Variants in KCNH2 observed in about 807,000 individuals in gnomAD.
KCNH2 encodes the protein potassium voltage-gated channel subfamily H member 2.
Under a neutral mutation model 95.9 loss-of-function variants are expected in KCNH2, and 35 were observed. The ratio of observed to expected loss-of-function variants is 0.37; its 90% confidence interval spans 0.28 to 0.48. KCNH2 has a LOEUF of 0.48. Ranked by LOEUF, KCNH2 falls within the 20% of genes least tolerant of loss-of-function variation. The pLI is 0.99. For missense variants in KCNH2, 1,274 were observed against 1,702.9 expected, an observed-to-expected ratio of 0.75 and a Z score of 4.43; for synonymous variants, 786 against 754.7, an observed-to-expected ratio of 1.04 and a Z score of -0.68.
intron 9 of KCNH2, 132 bp downstream of exon 9, chr7:150,950,036 G>A (rs901996408): frequency 1.2e-6 from 2 of 1,601,572 alleles, no homozygotes; most frequent in Admixed American, 1.7e-5. Flanking sequence ...GAGTTTAGGT[G>A]AATTAAAGGA....
In KCNH2 at chr7:150,946,608, T is replaced by C. The variant is rs1003219482; in HGVS notation, c.3330+269A>G. Among the ~76,000 whole-genome samples, 2 of 152,090 alleles carry C rather than the reference T, an allele frequency of 1.3e-5. No individual in the cohort carries two copies. The highest frequency in any genetic ancestry group is 4.8e-5 in the African/African-American group (2 of 41,414). On this transcript the variant is annotated intron_variant, in intron 14 of 14. Transcript: ENST00000262186. This position sits in a 1 kb window ranked among gnomAD's most constrained non-coding sequence, Gnocchi z 6.5. ...GCCTGGCGGTGGAGGCTGTGGACAC[T>C]AGGGGAGTGAAGCTGCGGGCCACTT...
intron 5 of KCNH2, chr7:150,955,838 T>G: frequency 6.6e-6 from 7 of 1,062,656 alleles, no homozygotes; most frequent in East Asian, 6.4e-5. Flanking sequence ...CCCCTCCTTC[T>G]ACCAGGTCCC....
In KCNH2 at chr7:150,946,190, T is replaced by C. The variant is rs1800881389; in HGVS notation, c.3331-676A>G. Among the ~76,000 whole-genome samples, 1 of 151,796 alleles carries C rather than the reference T, an allele frequency of 6.6e-6. No individual in the cohort carries two copies. Among genetic ancestry groups the C allele is most frequent in the Non-Finnish European group, 1.5e-5 (1 of 67,928 alleles). The stretch of plus-strand genomic sequence containing the variant: ...CTGGCAGCCAGAGGAGTCCCCACCA[T>C]GGACGCGGAGGTTGACACAGACACC... On this transcript the variant is annotated intron_variant, in intron 14 of 14. Transcript: ENST00000262186. The surrounding 1 kb of genome is among the most constrained non-coding windows in gnomAD (Gnocchi z 6.5).
chr7:150,959,558 G>A lies in KCNH2; in HGVS notation c.472+14C>T. The A allele has an allele frequency of 1.9e-6, 3 of 1,613,834 alleles. No homozygotes were observed. The highest frequency in any genetic ancestry group is 2.5e-6 in the Non-Finnish European group (3 of 1,179,790). The stretch of plus-strand genomic sequence containing the variant: ...CACGAACCCCTGAGCCTGCCCTAAA[G>A]CAAGTACACTTACCTGGGGCCAGCC... On this transcript the variant is annotated intron_variant, in intron 3 of 14. Transcript: ENST00000262186.
At position 150,946,815 on chromosome 7, in the gene KCNH2, T is replaced by G. The variant is rs1584841366; in HGVS notation, c.3330+62A>C. 6.8e-7 allele frequency: 1 copy of G among 1,477,762 alleles called. No individual in the cohort carries two copies. The highest frequency in any genetic ancestry group is 9.3e-7 in the Non-Finnish European group (1 of 1,076,968). 91.5% of individuals were successfully genotyped at this position (1,477,762 alleles called of 1,614,324 possible). On this transcript the variant is annotated intron_variant, in intron 14 of 14. Coordinates refer to ENST00000262186, the MANE Select transcript of KCNH2 (RefSeq NM_000238.4). This position sits in a 1 kb window ranked among gnomAD's most constrained non-coding sequence, Gnocchi z 6.5. The stretch of plus-strand genomic sequence containing the variant: ...CCAGCAGAAAGGCAGCAAAGCAGGT[T>G]TGGGCTGGAATCGGGGAACAAGCGG...
Position 150,945,165 on chromosome 7 carries a change from T to G in KCNH2, c.*200A>C. 1.6e-6 allele frequency: 1 copy of G among 630,630 alleles called. No homozygotes were observed. The highest frequency in any genetic ancestry group is 2.7e-6 in the Non-Finnish European group (1 of 369,438). 39.1% of individuals were successfully genotyped at this position (630,630 alleles called of 1,614,324 possible). On this transcript the variant is annotated 3_prime_UTR_variant, in exon 15 of 15. Coordinates refer to ENST00000262186, the MANE Select transcript of KCNH2 (RefSeq NM_000238.4). This position sits in a 1 kb window ranked among gnomAD's most constrained non-coding sequence, Gnocchi z 5.6. Reference sequence around the variant, plus strand: ...TGGGGGGACCACAGGCCCCACCTACTGCCGGCCCTGCCCCTGCCCCTCTCA... The same window carrying G: ...TGGGGGGACCACAGGCCCCACCTACGGCCGGCCCTGCCCCTGCCCCTCTCA...
At chr7:150,955,668 C>T (rs1801346214) in intron 5 of KCNH2, 3 of 1,403,642 alleles carry the variant, frequency 2.1e-6, no homozygotes, top group African/African-American at 1.5e-5. Context: ...GTGGCTGGGC[C>T]CCAGGGCTGG....
At chr7:150,951,202 G>C in intron 7 of KCNH2, 82 bp from the exon 8 acceptor site, 1 of 1,257,498 alleles carries the variant, frequency 8.0e-7, no homozygotes, top group Non-Finnish European at 1.1e-6. Context: ...CCCCGCACCA[G>C]GTCAGTGTCT....
In KCNH2 at chr7:150,959,570, A is replaced by G. The variant is rs1801494039; in HGVS notation, c.472+2T>C. Reference sequence around the variant, plus strand: ...AGCCTGCCCTAAAGCAAGTACACTTACCTGGGGCCAGCCAGCTGGTGGGGG... The same window carrying G: ...AGCCTGCCCTAAAGCAAGTACACTTGCCTGGGGCCAGCCAGCTGGTGGGGG... On this transcript the variant is annotated splice_donor_variant, in intron 3 of 14. Transcript: ENST00000262186. LOFTEE classifies it high-confidence loss of function. 1 of 1,613,924 alleles carries G rather than the reference A, an allele frequency of 6.2e-7. No homozygotes were observed.
chr7:150,957,316 T>G lies in KCNH2; in HGVS notation c.1103A>C (p.His368Pro). 1 of 1,592,272 alleles carries G rather than the reference T, an allele frequency of 6.3e-7. No homozygotes were observed. The stretch of plus-strand genomic sequence containing the variant: ...CTGGGTGACCTTCTCAGTGACATTG[T>G]GGGTTCGCTCCTTTATCTTAGGTGC... ...IIAPKIKERT[H>P]NVTEKVTQVL... is the part of the protein sequence containing the mutation. The change falls in exon 5 of 15, where the codon CAC becomes CCC. Residue 368 changes from histidine (H) to proline (P), a missense_variant. Around this residue, in one of 7 missense-constraint regions of KCNH2, gnomAD observed 392 missense variants for 429.9 expected, o/e 0.91. Coordinates refer to ENST00000262186, the MANE Select transcript of KCNH2 (RefSeq NM_000238.4).
chr7:150,960,020 C>T (rs143548232), intron 2 of KCNH2, among the ~76,000 whole-genome samples: 17 of 152,294 alleles, frequency 1.1e-4, no homozygotes, highest in Middle Eastern at 6.8e-3. Flanking sequence ...CTTTTTCTCA[C>T]GCTGGCTATG....
chr7:150,948,761 G>A (rs1801020687), intron 10 of KCNH2, 95 bp downstream of exon 10: 1 of 1,238,678 alleles, frequency 8.1e-7, no homozygotes, highest in Non-Finnish European at 1.2e-6. Context: ...GGGAAACTGA[G>A]ACAGAGAAGC....
intron 2 of KCNH2, among the ~76,000 whole-genome samples, chr7:150,972,034 G>C (rs137884680): frequency 2.0e-5 from 3 of 152,074 alleles, no homozygotes; most frequent in Admixed American, 2.0e-4. Context: ...CCTGAATCCC[G>C]GGCCTGACTT....
At chr7:150,975,250 G>A (rs1801952974) in intron 1 of KCNH2, among the ~76,000 whole-genome samples, 2 of 152,160 alleles carry the variant, frequency 1.3e-5, no homozygotes, top group Admixed American at 6.5e-5. Context: ...CCAGCCTGGC[G>A]GGTGTCAGCA....
At chr7:150,956,475 C>A (rs941990606) in intron 5 of KCNH2, among the ~76,000 whole-genome samples, 1 of 152,210 alleles carries the variant, frequency 6.6e-6, no homozygotes, top group African/African-American at 2.4e-5. Flanking sequence ...TTCTCACTCA[C>A]TGCAGAGATC....
At position 150,952,469 on chromosome 7, in the gene KCNH2, C is replaced by T; in HGVS notation, c.1513G>A (p.Ala505Thr). 2 of 1,614,128 alleles carry T rather than the reference C, an allele frequency of 1.2e-6. No individual in the cohort carries two copies. The highest frequency in any genetic ancestry group is 1.1e-5 in the South Asian group (1 of 91,076). Residue 505 changes from alanine (A) to threonine (T), a missense_variant, in exon 6 of 15, where the codon GCC becomes ACC. Physicochemically the swap from Ala to Thr is moderately conservative, Grantham distance 58 (BLOSUM62 0). Transcript: ENST00000262186. This position sits in a 1 kb window ranked among gnomAD's most constrained non-coding sequence, Gnocchi z 7.3. The part of the protein sequence containing the change: ...KGWFLIDMVA[A>T]IPFDLLIFGS... ...AAGATGAGCAGGTCGAAGGGGATGGCGGCCACCATGTCGATGAGGAACCAG... is the reference window on the plus strand; with the variant it reads ...AAGATGAGCAGGTCGAAGGGGATGGTGGCCACCATGTCGATGAGGAACCAG...
intron 8 of KCNH2, among the ~76,000 whole-genome samples, chr7:150,950,714 T>C (rs1026099557): frequency 6.6e-6 from 1 of 152,196 alleles, no homozygotes; most frequent in Non-Finnish European, 1.5e-5. Context: ...CTATGTGACA[T>C]ATACCTCCCA....
At chr7:150,949,860 C>A in intron 9 of KCNH2, 1 of 1,317,976 alleles carries the variant, frequency 7.6e-7, no homozygotes. Flanking sequence ...GCTAGCATTT[C>A]TTCCTCTACT....
Position 150,974,620 on chromosome 7 carries a change from C to A in KCNH2, c.307+91G>T, listed in dbSNP as rs190913987. On this transcript the variant is annotated intron_variant, in intron 2 of 14. Transcript: ENST00000262186. ...GGGGCGTTCTCCAGCCGCCCCCACA[C>A]CCCCACACCCCCACGCACCCTGCCC... 316 of 758,734 alleles carry A rather than the reference C, an allele frequency of 4.2e-4. 1 individual carries two copies. In the African/African-American group the frequency reaches 5.0e-3, roughly 12 times the overall value. 47.0% of individuals were successfully genotyped at this position (758,734 alleles called of 1,614,324 possible). A position where few individuals can be genotyped will look rare whatever the true frequency, so the allele number is the denominator to read the frequency against.
Sources: allele counts gnomAD v4.1 joint callset (sites outside exome capture counted in the v4.1 genomes callset), GRCh38; gene constraint gnomAD v4.1.1; regional missense constraint gnomAD v4.1.1; non-coding constraint Gnocchi (gnomAD v3.1); transcripts MANE v1.5; gene names NCBI Gene and HGNC (gene_info 2026-07-23, HGNC 2026-07-21).